FTCDNL1: variants seen among roughly 807,000 people sequenced by gnomAD.
The protein encoded by FTCDNL1 is formiminotransferase cyclodeaminase N-terminal like, also known as formiminotransferase N-terminal subdomain-containing protein.
A neutral mutation model predicts 5.9 loss-of-function variants in FTCDNL1; 11 were observed. The ratio of observed to expected loss-of-function variants is 1.87; its 90% CI spans 1.18 to 3.10. The LOEUF is 3.10. Ranked by LOEUF, FTCDNL1 falls within the 30% of genes most tolerant of loss-of-function variation. The pLI is 0.00. For missense variants in FTCDNL1, 115 were observed against 65.5 expected (o/e 1.76, Z -2.61); for synonymous variants, 58 against 24.8 (o/e 2.34, Z -3.99).
the FTCDNL1 span, among the ~76,000 whole-genome samples, chr2:199,723,725 G>A: frequency 1.3e-5 from 2 of 152,124 alleles, no homozygotes; most frequent in Admixed American, 1.3e-4. Flanking sequence ...TGCATCCCAG[G>A]GATAAAGCCA....
chr2:199,797,566 A>C (rs1700233409), intron 3 of FTCDNL1, among the ~76,000 whole-genome samples: 1 of 152,248 alleles, frequency 6.6e-6, no homozygotes, highest in Admixed American at 6.5e-5. Context: ...AAACATGTAA[A>C]AAGCAATAAA....
chr2:199,731,444 A>T, the FTCDNL1 span, among the ~76,000 whole-genome samples: 2 of 152,232 alleles, frequency 1.3e-5, no homozygotes, highest in African/African-American at 4.8e-5. Context: ...TTAAAAGGTG[A>T]AGAAATTGAA....
At chr2:199,695,972 G>A in the FTCDNL1 span, among the ~76,000 whole-genome samples, 1 of 152,202 alleles carries the variant, frequency 6.6e-6, no homozygotes, top group African/African-American at 2.4e-5. Context: ...CTGTCCTGGG[G>A]TTCTGCCTGG....
intron 4 of FTCDNL1, among the ~76,000 whole-genome samples, chr2:199,813,712 A>G (rs1574592832): frequency 6.6e-6 from 1 of 151,994 alleles, no homozygotes; most frequent in South Asian, 2.1e-4. Flanking sequence ...GGAGTTCGAG[A>G]CCAGCCTGGC....
At chr2:199,798,164 T>C (rs1700263583) in intron 3 of FTCDNL1, among the ~76,000 whole-genome samples, 1 of 152,236 alleles carries the variant, frequency 6.6e-6, no homozygotes, top group Admixed American at 6.5e-5. Context: ...CTCAACTTGA[T>C]GCAACAGAAC....
chr2:199,772,019 A>C (rs1698836892), intron 3 of FTCDNL1, among the ~76,000 whole-genome samples: 1 of 152,244 alleles, frequency 6.6e-6, no homozygotes, highest in Admixed American at 6.5e-5. Context: ...TTATAACAAT[A>C]TGCCAGCATC....
At chr2:199,816,531 A>G (rs1309566344) in intron 4 of FTCDNL1, among the ~76,000 whole-genome samples, 1 of 152,226 alleles carries the variant, frequency 6.6e-6, no homozygotes, top group Non-Finnish European at 1.5e-5. Flanking sequence ...GGAAGCTTTA[A>G]GAATATAAAA....
At chr2:199,848,359 A>G (rs2076785015) in intron 2 of FTCDNL1, among the ~76,000 whole-genome samples, 1 of 152,260 alleles carries the variant, frequency 6.6e-6, no homozygotes. Context: ...AAAAGAGGGT[A>G]GAAATAATAA....
chr2:199,731,054 G>A, the FTCDNL1 span, among the ~76,000 whole-genome samples: 3 of 152,204 alleles, frequency 2.0e-5, no homozygotes, highest in Non-Finnish European at 2.9e-5. Context: ...GGACATGGAT[G>A]AAGCTGGATA....
At chr2:199,848,641 A>G (rs1559255592) in intron 2 of FTCDNL1, among the ~76,000 whole-genome samples, 1 of 152,232 alleles carries the variant, frequency 6.6e-6, no homozygotes, top group Non-Finnish European at 1.5e-5. Flanking sequence ...GTATGCAGAC[A>G]TTTGGAAAAG....
At chr2:199,755,422 T>G in the FTCDNL1 span, among the ~76,000 whole-genome samples, 1 of 152,178 alleles carries the variant, frequency 6.6e-6, no homozygotes, top group Non-Finnish European at 1.5e-5. Context: ...AATGGCAAGG[T>G]GAGGGAAGGC....
chr2:199,678,081 G>A, the FTCDNL1 span, among the ~76,000 whole-genome samples: 1 of 152,178 alleles, frequency 6.6e-6, no homozygotes, highest in Non-Finnish European at 1.5e-5. Context: ...ACAGAAATAT[G>A]TCGAAAGACA....
intron 3 of FTCDNL1, among the ~76,000 whole-genome samples, chr2:199,844,907 A>G (rs573370735): frequency 6.6e-6 from 1 of 152,078 alleles, no homozygotes; most frequent in Admixed American, 6.5e-5. Flanking sequence ...ATACACAAAC[A>G]TAATTTTTTT....
At chr2:199,744,447 G>C in the FTCDNL1 span, among the ~76,000 whole-genome samples, 108,886 of 142,166 alleles carry the variant, frequency 0.77, 40,596 homozygotes, top group East Asian at 0.99. Context: ...CACACACACA[G>C]AGAGAGAGAG....
chr2:199,835,110 C>T (rs1702638072), intron 3 of FTCDNL1, among the ~76,000 whole-genome samples: 2 of 152,058 alleles, frequency 1.3e-5, no homozygotes, highest in Non-Finnish European at 2.9e-5. Context: ...CCCAGGAGGT[C>T]AAGGCTGCAG....
the FTCDNL1 span, among the ~76,000 whole-genome samples, chr2:199,687,262 C>A: frequency 6.6e-6 from 1 of 152,080 alleles, no homozygotes; most frequent in Non-Finnish European, 1.5e-5. Context: ...TAGAATATAG[C>A]AAAAGTTCAA....
chr2:199,750,787 T>C, the FTCDNL1 span, among the ~76,000 whole-genome samples: 1 of 152,246 alleles, frequency 6.6e-6, no homozygotes, highest in South Asian at 2.1e-4. Flanking sequence ...GTAGCTACCT[T>C]ACTTGTCTGT....
chr2:199,722,014 T>C, the FTCDNL1 span, among the ~76,000 whole-genome samples: 2 of 152,218 alleles, frequency 1.3e-5, no homozygotes, highest in African/African-American at 4.8e-5. Context: ...TCCTTGTAGA[T>C]TCTGGATATT....
At chr2:199,780,740 G>C (rs914726061) in intron 3 of FTCDNL1, among the ~76,000 whole-genome samples, 1 of 152,138 alleles carries the variant, frequency 6.6e-6, no homozygotes, top group South Asian at 2.1e-4. Context: ...ATCACAAGTG[G>C]GCAGGGGAAT....
Sources: gnomAD v4.1 joint callset for allele counts (sites outside exome capture counted in the v4.1 genomes callset) on GRCh38, gnomAD v4.1.1 for gene constraint, MANE v1.5 for transcripts, NCBI Gene and HGNC (gene_info 2026-07-23, HGNC 2026-07-21) for gene names.